FER1L6: variants seen among roughly 807,000 people sequenced by gnomAD.
The protein encoded by FER1L6 is fer-1 like family member 6.
In FER1L6, 177 loss-of-function variants were observed where a neutral mutation model predicts 219.2. That is an observed-to-expected ratio of 0.81 (90% CI 0.71 to 0.91). FER1L6 has a LOEUF of 0.91. FER1L6 is among the 40% of genes least tolerant of loss of function. FER1L6 has a pLI of 0.00. For missense variants in FER1L6, 2,153 were observed against 2,259.9 expected (o/e 0.95, Z 0.96); for synonymous variants, 768 against 824.3 (o/e 0.93, Z 1.17).
chr8:123,872,528 G>A (rs757839417), intron 1 of FER1L6, among the ~76,000 whole-genome samples: 1 of 152,098 alleles, frequency 6.6e-6, no homozygotes, highest in Non-Finnish European at 1.5e-5. Flanking sequence ...GAAAAACTAA[G>A]ACAAACTGAA....
rs60867227 is a variant in FER1L6, at chr8:123,853,124, G to A, written c.-8+939G>A. ...CTTCCAAAGTGCTCGGATTACGTGC[G>A]TGAGCCACTGTGCCCACCCTCAGAC... On this transcript the variant is annotated intron_variant, in intron 1 of 40. Coordinates refer to ENST00000522917, the MANE Select transcript of FER1L6 (RefSeq NM_001039112.2). The surrounding 1 kb of genome is among the most constrained non-coding windows in gnomAD (Gnocchi z 6.6). Among the ~76,000 whole-genome samples the A allele has an allele frequency of 7.3e-3, 1,107 of 152,214 alleles. 9 individuals are homozygous for A. The highest frequency in any genetic ancestry group is 0.025 in the African/African-American group (1,034 of 41,534).
intron 18 of FER1L6, among the ~76,000 whole-genome samples, chr8:124,025,440 T>C (rs1306915280): frequency 6.6e-6 from 1 of 152,218 alleles, no homozygotes; most frequent in African/African-American, 2.4e-5. Flanking sequence ...AAGGCATCCT[T>C]TCTCCAATTT....
At chr8:124,118,577 A>C (rs1010401275) in intron 39 of FER1L6, among the ~76,000 whole-genome samples, 1 of 152,216 alleles carries the variant, frequency 6.6e-6, no homozygotes, top group Non-Finnish European at 1.5e-5. Flanking sequence ...AGAGTAGTAC[A>C]TGTGACGGAG....
In FER1L6 at chr8:124,064,591, C is replaced by T. The variant is rs375242192; in HGVS notation, c.3555+18C>T. The T allele has an allele frequency of 9.3e-6, 15 of 1,606,146 alleles. No individual in the cohort carries two copies. Among genetic ancestry groups the T allele is most frequent in the Non-Finnish European group, 1.3e-5 (15 of 1,175,842 alleles). On this transcript the variant is annotated intron_variant, in intron 26 of 40. Coordinates refer to ENST00000522917, the MANE Select transcript of FER1L6 (RefSeq NM_001039112.2). The stretch of plus-strand genomic sequence containing the variant: ...AACCTAAGGTCAGACTAAAATCCCT[C>T]TCTATATTTACAAGGCTCATTGGAG...
intron 33 of FER1L6, among the ~76,000 whole-genome samples, chr8:124,082,834 T>C (rs1020818605): frequency 2.0e-5 from 3 of 152,214 alleles, no homozygotes; most frequent in African/African-American, 7.2e-5. Flanking sequence ...TCATGTACTT[T>C]CGATAACAAA....
In FER1L6 at chr8:123,973,428, C is replaced by T. The variant is rs767277326; in HGVS notation, c.448-6C>T. 14 of 1,612,196 alleles carry T rather than the reference C, an allele frequency of 8.7e-6. No homozygotes were observed. Among genetic ancestry groups the T allele is most frequent in the African/African-American group, 1.3e-5 (1 of 75,012 alleles). Reference sequence around the variant, plus strand: ...CTGCCATACTCCCTGCTCTCTCTCTCCTCAGGTCTTTCACCACAAGCTGAT... The same window carrying T: ...CTGCCATACTCCCTGCTCTCTCTCTTCTCAGGTCTTTCACCACAAGCTGAT... On this transcript the variant is annotated splice_region_variant and splice_polypyrimidine_tract_variant and intron_variant, in intron 6 of 40. Coordinates refer to ENST00000522917, the MANE Select transcript of FER1L6 (RefSeq NM_001039112.2).
chr8:123,949,936 T>C (rs1814682271), intron 1 of FER1L6, among the ~76,000 whole-genome samples: 1 of 152,200 alleles, frequency 6.6e-6, no homozygotes, highest in African/African-American at 2.4e-5. Context: ...TGAAGATTCA[T>C]TTATGCTGGG....
At chr8:124,052,222 G>C (rs1243685518) in intron 22 of FER1L6, among the ~76,000 whole-genome samples, 2 of 152,154 alleles carry the variant, frequency 1.3e-5, no homozygotes, top group East Asian at 3.9e-4. Flanking sequence ...GTGATTTTAG[G>C]TCAAAACCAG....
chr8:123,957,390 G>C (rs1051729691), intron 2 of FER1L6, among the ~76,000 whole-genome samples: 1 of 152,128 alleles, frequency 6.6e-6, no homozygotes, highest in Non-Finnish European at 1.5e-5. Context: ...GGTTATTCCT[G>C]GTGTCTTTGA....
chr8:124,108,827 A>G (rs1822887903), intron 39 of FER1L6, among the ~76,000 whole-genome samples: 1 of 151,804 alleles, frequency 6.6e-6, no homozygotes, highest in African/African-American at 2.4e-5. Context: ...GCAGTGAGCT[A>G]TGATCACGCC....
At chr8:123,875,283 C>T (rs141356846) in intron 1 of FER1L6, among the ~76,000 whole-genome samples, 101 of 152,304 alleles carry the variant, frequency 6.6e-4, no homozygotes, top group African/African-American at 2.3e-3. Context: ...TCTCTTGAAT[C>T]AACTCTGCTG....
intron 1 of FER1L6, among the ~76,000 whole-genome samples, chr8:123,893,557 T>G (rs901857836): frequency 6.6e-6 from 1 of 152,232 alleles, no homozygotes; most frequent in African/African-American, 2.4e-5. Flanking sequence ...TCTGCTTAAT[T>G]TCTCCAGAAT....
intron 1 of FER1L6, among the ~76,000 whole-genome samples, chr8:123,879,334 T>C (rs1586436057): frequency 6.6e-6 from 1 of 152,200 alleles, no homozygotes; most frequent in East Asian, 1.9e-4. Flanking sequence ...ATTATTTTTA[T>C]TTATTTTTTT....
At chr8:124,003,423 T>TC in intron 13 of FER1L6, 76 bp downstream of exon 13, 1 of 885,616 alleles carries the variant, frequency 1.1e-6, no homozygotes, top group Non-Finnish European at 1.7e-6. Context: ...ACTGTTTTCT[T>TC]CAGTTCTTCA....
At chr8:123,989,389 T>C (rs1339696339) in intron 12 of FER1L6, among the ~76,000 whole-genome samples, 5 of 152,326 alleles carry the variant, frequency 3.3e-5, no homozygotes, top group Admixed American at 2.0e-4. Context: ...GAATTCTTTT[T>C]TAAAAATATT....
chr8:124,070,322 T>C (rs1433786350), intron 29 of FER1L6, 145 bp from the exon 30 acceptor site: 30 of 788,974 alleles, frequency 3.8e-5, no homozygotes, highest in East Asian at 5.5e-5. Context: ...ACGTTCCTTA[T>C]CTCACTGAAG....
chr8:124,004,133 A>AC (rs1817553711), intron 13 of FER1L6: 4 of 151,788 alleles, frequency 2.6e-5, no homozygotes, highest in South Asian at 2.1e-4. Context: ...AAAAAAAAAA[A>AC]AAACAATTGT....
At chr8:124,049,793 C>T (rs1819920629) in intron 22 of FER1L6, 37 bp downstream of exon 22, 3 of 1,610,798 alleles carry the variant, frequency 1.9e-6, no homozygotes, top group Non-Finnish European at 2.5e-6. Flanking sequence ...TCTATTAGGT[C>T]TACCTGGCCA....
chr8:124,058,258 CA>C (rs933959672), intron 22 of FER1L6, among the ~76,000 whole-genome samples: 8 of 152,162 alleles, frequency 5.3e-5, no homozygotes, highest in African/African-American at 1.9e-4. Flanking sequence ...CTGTGTGCCA[CA>C]CTGGTTCACC....
Sources: gnomAD v4.1 joint callset for allele counts (sites outside exome capture counted in the v4.1 genomes callset) on GRCh38, gnomAD v4.1.1 for gene constraint, Gnocchi (gnomAD v3.1) non-coding constraint, MANE v1.5 for transcripts, NCBI Gene and HGNC (gene_info 2026-07-23, HGNC 2026-07-21) for gene names.